Variants in ZDHHC3 observed in about 807,000 individuals in gnomAD.
ZDHHC3 encodes the protein zDHHC palmitoyltransferase 3, also known as palmitoyltransferase ZDHHC3.
ZDHHC3 carries 9 observed loss-of-function variants against 30.6 expected under a neutral mutation model. The ratio of observed to expected loss-of-function variants is 0.29; its 90% CI spans 0.18 to 0.51. The LOEUF (loss-of-function observed/expected upper bound fraction) is 0.51, where lower values mean the gene tolerates loss of function less well. Ranked by LOEUF, ZDHHC3 falls within the 20% of genes least tolerant of loss-of-function variation. ZDHHC3 has a pLI of 0.97. For missense variants in ZDHHC3, 246 were observed against 384.2 expected, an observed-to-expected ratio of 0.64 and a Z score of 3.01; for synonymous variants, 136 against 140.2, an observed-to-expected ratio of 0.97 and a Z score of 0.21.
intron 2 of ZDHHC3, among the ~76,000 whole-genome samples, chr3:44,947,695 G>A (rs1290773614): frequency 6.6e-6 from 1 of 152,212 alleles, no homozygotes; most frequent in Non-Finnish European, 1.5e-5. Flanking sequence ...AGGGAGTATG[G>A]CCCTGACTTC....
Position 44,937,803 on chromosome 3 carries a change from G to C in ZDHHC3, c.432-3819C>G. On this transcript the variant is annotated intron_variant, in intron 3 of 6. Transcript: ENST00000424952. ...CATGGGTCTGTCCCCAAAAAAGGTT[G>C]GTGATGACATTGCCAAAGCAATTGG... The C allele has an allele frequency of 7.1e-6, 3 of 422,916 alleles. 1 individual carries two copies. Among genetic ancestry groups the C allele is most frequent in the South Asian group, 5.6e-5 (3 of 53,882 alleles). 26.2% of individuals were successfully genotyped at this position (422,916 alleles called of 1,614,324 possible). A position where few individuals can be genotyped will look rare whatever the true frequency, so the allele number is the denominator to read the frequency against.
intron 2 of ZDHHC3, among the ~76,000 whole-genome samples, chr3:44,956,130 G>A (rs900610712): frequency 6.6e-6 from 1 of 152,208 alleles, no homozygotes; most frequent in Non-Finnish European, 1.5e-5. Context: ...GAGGCTGTAC[G>A]CTTCAATGCA....
Position 44,959,454 on chromosome 3 carries a change from C to T in ZDHHC3, c.-18G>A, listed in dbSNP as rs1201307659. On this transcript the variant is annotated 5_prime_UTR_variant, in exon 2 of 7. Coordinates refer to ENST00000424952, the MANE Select transcript of ZDHHC3 (RefSeq NM_001135179.2). The surrounding 1 kb of genome is among the most constrained non-coding windows in gnomAD (Gnocchi z 4.3). ...AGCATCATAAGCTATTCTGTCCATA[C>T]TGGCATCTGAAAGAGAGAGGAAAGA... The T allele has an allele frequency of 1.2e-6, 2 of 1,601,238 alleles. No individual in the cohort carries two copies. Among genetic ancestry groups the T allele is most frequent in the Non-Finnish European group, 1.7e-6 (2 of 1,170,596 alleles).
In ZDHHC3 at chr3:44,944,907, T is replaced by C. The variant is rs958208252; in HGVS notation, c.431+261A>G. ...AAACAAAGGCCCTGCCCAGGTCCTA[T>C]GTCAGGTGTGGCAGAGCCAAGTCCC... On this transcript the variant is annotated intron_variant, in intron 3 of 6. Transcript: ENST00000424952. Among the ~76,000 whole-genome samples, 9 of 152,320 alleles carry C rather than the reference T, an allele frequency of 5.9e-5. No individual in the cohort carries two copies. The South Asian group carries it at 1.7e-3, about 28-fold the overall frequency.
At chr3:44,941,716 G>C (rs1271462281) in intron 3 of ZDHHC3, among the ~76,000 whole-genome samples, 1 of 150,938 alleles carries the variant, frequency 6.6e-6, no homozygotes, top group Non-Finnish European at 1.5e-5. Flanking sequence ...AACTGTCTTG[G>C]GCCACACAAA....
At chr3:44,939,372 A>C (rs1305396993) in intron 3 of ZDHHC3, among the ~76,000 whole-genome samples, 1 of 152,246 alleles carries the variant, frequency 6.6e-6, no homozygotes, top group African/African-American at 2.4e-5. Flanking sequence ...AAAAGTGCAG[A>C]TAAGCAGACA....
chr3:44,926,975 A>G, intron 6 of ZDHHC3, 128 bp from the exon 7 acceptor site: 3 of 1,255,810 alleles, frequency 2.4e-6, no homozygotes, highest in Middle Eastern at 2.9e-4. Context: ...TATCTACCTA[A>G]TATATCTTTC....
rs1700952956 is a variant in ZDHHC3 at position 44,925,980 on chromosome 3, A to G, written c.*709T>C. 2.0e-6 allele frequency: 2 copies of G among 985,562 alleles called. No individual in the cohort carries two copies. Among genetic ancestry groups the G allele is most frequent in the Admixed American group, 6.2e-5 (1 of 16,236 alleles). 61.1% of individuals were successfully genotyped at this position (985,562 alleles called of 1,614,324 possible). A position where few individuals can be genotyped will look rare whatever the true frequency, so the allele number is the denominator to read the frequency against. On this transcript the variant is annotated 3_prime_UTR_variant, in exon 7 of 7. Transcript: ENST00000424952. ...AACTGGAAAAACGTCTTTCCTACAC[A>G]CTCTTCCAAATAATCACAGGGAATA...
At chr3:44,956,255 C>A (rs1005101850) in intron 2 of ZDHHC3, among the ~76,000 whole-genome samples, 1 of 152,172 alleles carries the variant, frequency 6.6e-6, no homozygotes, top group African/African-American at 2.4e-5. Context: ...AACCAATGAC[C>A]TCCACACACA....
Position 44,959,252 on chromosome 3 carries a change from A to G in ZDHHC3, c.185T>C (p.Val62Ala). Residue 62 changes from valine (V) to alanine (A), a missense_variant, in exon 2 of 7, where the codon GTC becomes GCC. By Grantham distance (64) the Val-to-Ala change is moderately conservative (BLOSUM62 0). Transcript: ENST00000424952. This position sits in a 1 kb window ranked among gnomAD's most constrained non-coding sequence, Gnocchi z 4.3. ...AGATGGAATCAGCATGACAAAGAGG[A>G]CCACGAACTCCGCATAGAGGACCAG... The part of the protein sequence containing the change: ...WFLVLYAEFV[V>A]LFVMLIPSRD... 1 of 1,614,234 alleles carries G rather than the reference A, an allele frequency of 6.2e-7. No homozygotes were observed. Among genetic ancestry groups the G allele is most frequent in the South Asian group, 1.1e-5 (1 of 91,086 alleles).
At chr3:44,929,503 C>T in intron 5 of ZDHHC3, 67 bp from the exon 6 acceptor site, 1 of 1,584,998 alleles carries the variant, frequency 6.3e-7, no homozygotes, top group Admixed American at 1.8e-5. Flanking sequence ...GCTCACTGCC[C>T]CACTAGGCGC....
chr3:44,919,953 A>G lies in ZDHHC3; in HGVS notation c.*6736T>C, dbSNP rs1700477753. ...TGAGAAATGCCCAATAATGATGGTTAAGCAAATGATTCTATAACACTATGC... is the reference window on the plus strand; with the variant it reads ...TGAGAAATGCCCAATAATGATGGTTGAGCAAATGATTCTATAACACTATGC... On this transcript the variant is annotated 3_prime_UTR_variant, in exon 7 of 7. Coordinates refer to ENST00000424952, the MANE Select transcript of ZDHHC3 (RefSeq NM_001135179.2). The G allele has an allele frequency of 9.6e-7, 1 of 1,044,098 alleles. No individual in the cohort carries two copies. The highest frequency in any genetic ancestry group is 1.2e-6 in the Non-Finnish European group (1 of 861,278). 64.7% of individuals were successfully genotyped at this position (1,044,098 alleles called of 1,614,324 possible). A position where few individuals can be genotyped will look rare whatever the true frequency, so the allele number is the denominator to read the frequency against.
chr3:44,937,167 A>T (rs1312079587), intron 3 of ZDHHC3, among the ~76,000 whole-genome samples: 1 of 152,134 alleles, frequency 6.6e-6, no homozygotes, highest in Non-Finnish European at 1.5e-5. Context: ...GTTCAAGGCC[A>T]GGTTTGGTGG....
At chr3:44,935,887 T>C (rs1701921142) in intron 3 of ZDHHC3, among the ~76,000 whole-genome samples, 2 of 152,124 alleles carry the variant, frequency 1.3e-5, no homozygotes, top group South Asian at 4.1e-4. Flanking sequence ...AAGACCTAAA[T>C]GTAAAACCCA....
chr3:44,959,007 C>T lies in ZDHHC3; in HGVS notation c.306+124G>A, dbSNP rs1481080100. On this transcript the variant is annotated intron_variant, in intron 2 of 6. Coordinates refer to ENST00000424952, the MANE Select transcript of ZDHHC3 (RefSeq NM_001135179.2). This position sits in a 1 kb window ranked among gnomAD's most constrained non-coding sequence, Gnocchi z 4.3. Reference sequence around the variant, plus strand: ...TGAACAAGGCAGAGATCTACTTCCTCACCCTCCCCTGGCCCTCCTATCCTC... The same window carrying T: ...TGAACAAGGCAGAGATCTACTTCCTTACCCTCCCCTGGCCCTCCTATCCTC... The T allele has an allele frequency of 1.3e-5, 16 of 1,206,028 alleles. No individual in the cohort carries two copies. Among genetic ancestry groups the T allele is most frequent in the African/African-American group, 1.5e-5 (1 of 65,898 alleles). The allele number at this position is 1,206,028 out of a possible 1,614,324, so 74.7% of individuals were successfully genotyped here. A position where few individuals can be genotyped will look rare whatever the true frequency, so the allele number is the denominator to read the frequency against.
In ZDHHC3 at chr3:44,959,915, C is replaced by A. The variant is rs1704323944; in HGVS notation, c.-24-455G>T. Among the ~76,000 whole-genome samples the A allele has an allele frequency of 6.6e-6, 1 of 151,894 alleles. No homozygotes were observed. The highest frequency in any genetic ancestry group is 2.1e-4 in the South Asian group (1 of 4,826). On this transcript the variant is annotated intron_variant, in intron 1 of 6. Coordinates refer to ENST00000424952, the MANE Select transcript of ZDHHC3 (RefSeq NM_001135179.2). This position sits in a 1 kb window ranked among gnomAD's most constrained non-coding sequence, Gnocchi z 4.3. ...TACCTAGAACTACAGGCACGCACCA[C>A]CACACCTGGCTAATTTTTATATTTT... is the stretch of plus-strand genomic sequence containing the variant.
Position 44,922,309 on chromosome 3 carries a change from C to A in ZDHHC3, c.*4380G>T. On this transcript the variant is annotated 3_prime_UTR_variant, in exon 7 of 7. Transcript: ENST00000424952. ...TCTAGACTACTCACCGGCCGCCGCT[C>A]CCATCTGGAGGTCCCTTGGTTCTAC... 1.4e-5 allele frequency: 14 copies of A among 985,466 alleles called. No individual in the cohort carries two copies. Among genetic ancestry groups the A allele is most frequent in the Non-Finnish European group, 1.7e-5 (14 of 829,942 alleles). The allele number at this position is 985,466 out of a possible 1,614,324, so 61.0% of individuals were successfully genotyped here.
intron 6 of ZDHHC3, among the ~76,000 whole-genome samples, chr3:44,927,807 G>T (rs1701129109): frequency 6.6e-6 from 1 of 152,224 alleles, no homozygotes; most frequent in African/African-American, 2.4e-5. Flanking sequence ...CCTGGCCAGG[G>T]GTCTGTCTGC....
rs745796923 is a variant in ZDHHC3 at position 44,925,899 on chromosome 3, G to A, written c.*790C>T. Reference sequence around the variant, plus strand: ...GGAAGCAGATGAAACAAAGGAAAACGTAGCTTGCCTGAAATTGTGTAATTT... The same window carrying A: ...GGAAGCAGATGAAACAAAGGAAAACATAGCTTGCCTGAAATTGTGTAATTT... On this transcript the variant is annotated 3_prime_UTR_variant, in exon 7 of 7. Transcript: ENST00000424952. 1 of 985,848 alleles carries A rather than the reference G, an allele frequency of 1.0e-6. No individual in the cohort carries two copies. The allele number at this position is 985,848 out of a possible 1,614,324, so 61.1% of individuals were successfully genotyped here. A position where few individuals can be genotyped will look rare whatever the true frequency, so the allele number is the denominator to read the frequency against.
Sources: allele counts gnomAD v4.1 joint callset (sites outside exome capture counted in the v4.1 genomes callset), GRCh38; gene constraint gnomAD v4.1.1; non-coding constraint Gnocchi (gnomAD v3.1); transcripts MANE v1.5; gene names NCBI Gene and HGNC (gene_info 2026-07-23, HGNC 2026-07-21).